EXOC6B: variants seen among roughly 807,000 people sequenced by gnomAD.
EXOC6B encodes the protein SEC15 homolog B.
Under a neutral mutation model 113.5 loss-of-function variants are expected in EXOC6B, and 54 were observed. That is an observed-to-expected ratio of 0.48 (90% CI 0.38 to 0.60). EXOC6B has a LOEUF of 0.60. Ranked by LOEUF, EXOC6B falls within the 20% of genes least tolerant of loss-of-function variation. EXOC6B has a pLI of 0.00. For synonymous variants in EXOC6B, 357 were observed against 339.0 expected, an observed-to-expected ratio of 1.05 and a Z score of -0.58; for missense variants, 797 against 977.5, an observed-to-expected ratio of 0.82 and a Z score of 2.46.
intron 18 of EXOC6B, among the ~76,000 whole-genome samples, chr2:72,415,341 C>CAAAA (rs551209151): frequency 7.1e-6 from 1 of 140,406 alleles, no homozygotes; most frequent in Non-Finnish European, 1.6e-5. Context: ...TGGAGTCCTC[C>CAAAA]AAAAAAAAAA....
intron 19 of EXOC6B, among the ~76,000 whole-genome samples, chr2:72,358,082 T>C (rs899489067): frequency 3.3e-5 from 5 of 152,180 alleles, no homozygotes; most frequent in African/African-American, 1.2e-4. Flanking sequence ...GGGTGACTAC[T>C]GTGTAAGTCC....
intron 6 of EXOC6B, among the ~76,000 whole-genome samples, chr2:72,620,469 A>G (rs998068920): frequency 1.3e-5 from 2 of 151,858 alleles, no homozygotes; most frequent in African/African-American, 4.8e-5. Context: ...AAATTTAAAT[A>G]AGAAATTTAA....
At chr2:72,409,985 C>G (rs1264943757) in intron 18 of EXOC6B, among the ~76,000 whole-genome samples, 1 of 152,160 alleles carries the variant, frequency 6.6e-6, no homozygotes, top group Non-Finnish European at 1.5e-5. Context: ...CGTTCCCCCA[C>G]AGAGGAAGGT....
intron 18 of EXOC6B, among the ~76,000 whole-genome samples, chr2:72,458,700 T>C (rs571358867): frequency 1.3e-5 from 2 of 152,206 alleles, no homozygotes; most frequent in South Asian, 4.1e-4. Context: ...CCTCAATTAG[T>C]TATTTACAGT....
Position 72,758,267 on chromosome 2 carries a change from A to G in EXOC6B, c.114-16798T>C, listed in dbSNP as rs1031628022. On this transcript the variant is annotated intron_variant, in intron 1 of 21. Coordinates refer to ENST00000272427, the MANE Select transcript of EXOC6B (RefSeq NM_015189.3). ...CCTAGATCCCTTCCACTGCAACTAC[A>G]GAACCCATAAGTTAATGTTATTTTA... Among the ~76,000 whole-genome samples the G allele has an allele frequency of 3.9e-5, 6 of 152,182 alleles. No homozygotes were observed. In the East Asian group the frequency reaches 9.7e-4, roughly 24 times the overall value.
At chr2:72,704,196 T>C (rs1219824719) in intron 6 of EXOC6B, among the ~76,000 whole-genome samples, 1 of 149,722 alleles carries the variant, frequency 6.7e-6, no homozygotes. Context: ...CTCAACTACA[T>C]GGAAACTGAA....
intron 20 of EXOC6B, among the ~76,000 whole-genome samples, chr2:72,261,104 T>G (rs1465070420): frequency 6.6e-6 from 1 of 152,104 alleles, no homozygotes; most frequent in East Asian, 1.9e-4. Flanking sequence ...TCACTCCAAA[T>G]GACCCCCAAC....
chr2:72,249,786 ATCT>A (rs1202313787), intron 20 of EXOC6B, among the ~76,000 whole-genome samples: 1 of 152,212 alleles, frequency 6.6e-6, no homozygotes, highest in South Asian at 2.1e-4. Flanking sequence ...GAAAAAAATT[ATCT>A]TCTTCTTTGG....
intron 1 of EXOC6B, among the ~76,000 whole-genome samples, chr2:72,814,957 C>G (rs1317950399): frequency 6.6e-6 from 1 of 152,192 alleles, no homozygotes; most frequent in African/African-American, 2.4e-5. Context: ...TGCCACTGCA[C>G]TCCAGCCTGG....
chr2:72,195,682 TGTAA>T, intron 20 of EXOC6B, among the ~76,000 whole-genome samples: 1 of 152,244 alleles, frequency 6.6e-6, no homozygotes, highest in South Asian at 2.1e-4. Context: ...ATACTAACAA[TGTAA>T]GTGTAAGCAA....
intron 8 of EXOC6B, 86 bp downstream of exon 8, chr2:72,559,367 T>C (rs1703753409): frequency 1.1e-6 from 1 of 925,642 alleles, no homozygotes; most frequent in South Asian, 2.8e-5. Flanking sequence ...CTCTTAATAA[T>C]AAACAGAAAA....
intron 18 of EXOC6B, among the ~76,000 whole-genome samples, chr2:72,401,611 A>ATG (rs1693285964): frequency 2.1e-5 from 1 of 48,146 alleles, no homozygotes; most frequent in Non-Finnish European, 3.1e-5. Context: ...ATGTGTATAT[A>ATG]TATATATATA....
Position 72,513,160 on chromosome 2 carries a change from T to C in EXOC6B, c.1139A>G (p.Lys380Arg). 6.2e-7 allele frequency: 1 copy of C among 1,613,368 alleles called. No individual in the cohort carries two copies. Among genetic ancestry groups the C allele is most frequent in the Non-Finnish European group, 8.5e-7 (1 of 1,179,452 alleles). Residue 380 changes from lysine (K) to arginine (R), a missense_variant, in exon 11 of 22, where the codon AAA becomes AGA. By Grantham distance (26) the Lys-to-Arg change is conservative. Coordinates refer to ENST00000272427, the MANE Select transcript of EXOC6B (RefSeq NM_015189.3). ...IDELWEMALS[K>R]TIAALRTHSS... The stretch of plus-strand genomic sequence containing the variant: ...GTGGGTACGGAGTGCTGCGATGGTT[T>C]TTGAAAGTGCCATTTCCCACAGTTC...
In EXOC6B at chr2:72,567,400, T is replaced by C. The variant is rs185268306; in HGVS notation, c.847-7879A>G. 7.2e-5 allele frequency among the ~76,000 whole-genome samples: 11 copies of C among 152,172 alleles called. 1 individual carries two copies. In the East Asian group the frequency reaches 2.1e-3, roughly 29 times the overall value. ...ATATAATTATCCAAAAGATTAAATA[T>C]GCTGATACTCTGGAAACCAGAATAT... On this transcript the variant is annotated intron_variant, in intron 7 of 21. Transcript: ENST00000272427.
At chr2:72,360,168 A>C (rs1027692223) in intron 19 of EXOC6B, among the ~76,000 whole-genome samples, 5 of 151,586 alleles carry the variant, frequency 3.3e-5, no homozygotes, top group Non-Finnish European at 7.4e-5. Flanking sequence ...GCTCACGGCA[A>C]CCTCCACCTC....
chr2:72,598,449 A>C (rs1427013151), intron 6 of EXOC6B, among the ~76,000 whole-genome samples: 1 of 152,080 alleles, frequency 6.6e-6, no homozygotes, highest in East Asian at 1.9e-4. Flanking sequence ...TTGAATGCAT[A>C]AACCAGTAAA....
chr2:72,456,892 G>T (rs1330133893), intron 18 of EXOC6B, among the ~76,000 whole-genome samples: 1 of 152,012 alleles, frequency 6.6e-6, no homozygotes, highest in East Asian at 1.9e-4. Context: ...ATCTGGTTAG[G>T]AGAACTGGTA....
chr2:72,215,323 T>C (rs1045732066), intron 20 of EXOC6B, among the ~76,000 whole-genome samples: 3 of 152,322 alleles, frequency 2.0e-5, no homozygotes, highest in African/African-American at 7.2e-5. Flanking sequence ...GGCATCTCTT[T>C]AATTTATCAC....
chr2:72,470,979 C>A (rs1451995020), intron 17 of EXOC6B, among the ~76,000 whole-genome samples: 2 of 152,146 alleles, frequency 1.3e-5, no homozygotes, highest in African/African-American at 4.8e-5. Context: ...TGGGTATATA[C>A]CCAGTAATGG....
Sources: allele counts gnomAD v4.1 joint callset (sites outside exome capture counted in the v4.1 genomes callset), GRCh38; gene constraint gnomAD v4.1.1; transcripts MANE v1.5; gene names NCBI Gene and HGNC (gene_info 2026-07-23, HGNC 2026-07-21).